COL27A1: variants seen among roughly 807,000 people sequenced by gnomAD.
The protein encoded by COL27A1 is collagen type XXVII alpha 1 chain, also known as collagen alpha-1(XXVII) chain.
In COL27A1, 106 loss-of-function variants were observed where a neutral mutation model predicts 251.3. The ratio of observed to expected loss-of-function variants is 0.42; its 90% CI spans 0.36 to 0.50. The LOEUF (loss-of-function observed/expected upper bound fraction) is 0.50. Ranked by LOEUF, COL27A1 falls within the 20% of genes least tolerant of loss-of-function variation. The pLI is 0.00. For missense variants in COL27A1, 2,325 were observed against 2,522.8 expected (o/e 0.92, Z 1.68); for synonymous variants, 1,000 against 986.3 (o/e 1.01, Z -0.26).
intron 28 of COL27A1, among the ~76,000 whole-genome samples, chr9:114,263,384 G>A (rs1186108674): frequency 1.3e-5 from 2 of 151,958 alleles, no homozygotes; most frequent in Non-Finnish European, 2.9e-5. Flanking sequence ...TGGGCTCCCG[G>A]GCCAGGATGG....
chr9:114,220,945 A>G (rs937720540), intron 13 of COL27A1, among the ~76,000 whole-genome samples: 3 of 150,966 alleles, frequency 2.0e-5, no homozygotes. Flanking sequence ...CAGTGAGCCA[A>G]GATCACGCCA....
intron 37 of COL27A1, among the ~76,000 whole-genome samples, chr9:114,278,263 A>G (rs1490559894): frequency 1.5e-5 from 2 of 136,016 alleles, no homozygotes; most frequent in African/African-American, 6.1e-5. Context: ...GGTGGTGGTG[A>G]TGATGATGAA....
chr9:114,196,973 C>T (rs778244047), intron 7 of COL27A1, among the ~76,000 whole-genome samples: 1 of 152,168 alleles, frequency 6.6e-6, no homozygotes, highest in Non-Finnish European at 1.5e-5. Context: ...TTATTTTGAG[C>T]CACCAGGCAT....
chr9:114,300,811 G>T, intron 51 of COL27A1, 124 bp downstream of exon 51: 1 of 859,086 alleles, frequency 1.2e-6, no homozygotes. Context: ...CTGCCCACAG[G>T]CCTGGTTCCC....
intron 5 of COL27A1, among the ~76,000 whole-genome samples, chr9:114,187,839 C>A (rs1251888113): frequency 3.3e-5 from 5 of 152,222 alleles, no homozygotes; most frequent in African/African-American, 1.2e-4. Context: ...AATTAATATA[C>A]AAATATTATC....
intron 5 of COL27A1, among the ~76,000 whole-genome samples, chr9:114,187,106 G>C (rs1324035792): frequency 6.6e-6 from 1 of 152,250 alleles, no homozygotes; most frequent in Non-Finnish European, 1.5e-5. Context: ...CAGAGGGCAG[G>C]CTCCATGGCC....
intron 7 of COL27A1, among the ~76,000 whole-genome samples, chr9:114,196,612 C>T (rs930300713): frequency 9.2e-5 from 14 of 152,166 alleles, no homozygotes; most frequent in Admixed American, 2.0e-4. Flanking sequence ...GTCTAATATG[C>T]GGCCCTCGCT....
chr9:114,157,164 C>G (rs1294416834), intron 1 of COL27A1, among the ~76,000 whole-genome samples: 1 of 152,080 alleles, frequency 6.6e-6, no homozygotes, highest in Non-Finnish European at 1.5e-5. Flanking sequence ...AGACCCTGCG[C>G]CAGGGTAGAT....
chr9:114,211,828 C>T (rs191680544), intron 12 of COL27A1, among the ~76,000 whole-genome samples: 25 of 152,234 alleles, frequency 1.6e-4, no homozygotes, highest in Non-Finnish European at 3.2e-4. Flanking sequence ...TATTGAGAAG[C>T]GGGAAACTGA....
At chr9:114,200,252 C>A (rs1829473073) in intron 7 of COL27A1, among the ~76,000 whole-genome samples, 1 of 152,216 alleles carries the variant, frequency 6.6e-6, no homozygotes, top group African/African-American at 2.4e-5. Context: ...CCACTGGCAT[C>A]CCTCCTATCC....
intron 4 of COL27A1, among the ~76,000 whole-genome samples, chr9:114,180,947 C>T (rs1016695575): frequency 3.9e-5 from 6 of 152,118 alleles, no homozygotes; most frequent in Non-Finnish European, 5.9e-5. Flanking sequence ...GAGAGGCAGC[C>T]GCCCTTGACC....
At chr9:114,239,083 G>C (rs1412331392) in intron 19 of COL27A1, among the ~76,000 whole-genome samples, 1 of 152,222 alleles carries the variant, frequency 6.6e-6, no homozygotes, top group African/African-American at 2.4e-5. Context: ...CTCAGCTGAA[G>C]GGGGAAGCTG....
At chr9:114,250,304 C>G (rs957026408) in intron 24 of COL27A1, among the ~76,000 whole-genome samples, 1 of 152,230 alleles carries the variant, frequency 6.6e-6, no homozygotes, top group Non-Finnish European at 1.5e-5. Flanking sequence ...AGCCACCCCC[C>G]GCCCAACCCC....
Position 114,157,045 on chromosome 9 carries a change from C to T in COL27A1, c.62+1033C>T, listed in dbSNP as rs548413965. ...TGTCTTGGAAAAAGCTGGCTGTTTG[C>T]GATTCCCCCGCCCCGCACCCCCTCA... On this transcript the variant is annotated intron_variant, in intron 1 of 60. Transcript: ENST00000356083. Among the ~76,000 whole-genome samples, 9 of 151,712 alleles carry T rather than the reference C, an allele frequency of 5.9e-5. No individual in the cohort carries two copies. The South Asian group carries it at 1.9e-3, about 32-fold the overall frequency.
At chr9:114,200,627 T>A (rs902168818) in intron 7 of COL27A1, among the ~76,000 whole-genome samples, 1 of 152,242 alleles carries the variant, frequency 6.6e-6, no homozygotes, top group African/African-American at 2.4e-5. Context: ...CTGTGCTTTT[T>A]GACTAGCCAC....
intron 14 of COL27A1, among the ~76,000 whole-genome samples, chr9:114,222,693 C>A (rs1831204681): frequency 6.6e-6 from 1 of 152,124 alleles, no homozygotes; most frequent in Non-Finnish European, 1.5e-5. Flanking sequence ...GAGAAGGTAG[C>A]TGGCAGGGTG....
At chr9:114,216,324 G>C (rs1423537927) in intron 12 of COL27A1, among the ~76,000 whole-genome samples, 2 of 152,268 alleles carry the variant, frequency 1.3e-5, no homozygotes, top group Non-Finnish European at 2.9e-5. Flanking sequence ...CAGGAGCTCG[G>C]GCATGTGGAG....
At chr9:114,253,010 C>T in intron 27 of COL27A1, 78 bp downstream of exon 27, 3 of 1,158,848 alleles carry the variant, frequency 2.6e-6, no homozygotes, top group Non-Finnish European at 3.8e-6. Flanking sequence ...GTGGCTCACA[C>T]CTGTAATCTC....
rs571626555 is a variant in COL27A1, at chr9:114,193,798, T to G, written c.2017-606T>G. 1.1e-4 allele frequency among the ~76,000 whole-genome samples: 17 copies of G among 152,090 alleles called. No individual in the cohort carries two copies. In the South Asian group the frequency reaches 3.5e-3, roughly 32 times the overall value. ...GAAAATCAAAAAGTATTGACACGCC[T>G]CTTGGACATGTCTCTCAGAAACCCC... On this transcript the variant is annotated intron_variant, in intron 5 of 60. Transcript: ENST00000356083.
Sources: allele counts gnomAD v4.1 joint callset (sites outside exome capture counted in the v4.1 genomes callset), GRCh38; gene constraint gnomAD v4.1.1; transcripts MANE v1.5; gene names NCBI Gene and HGNC (gene_info 2026-07-23, HGNC 2026-07-21).